The following THSD7B variants were observed in gnomAD, a reference collection of about 807,000 sequenced individuals.
THSD7B encodes thrombospondin type-1 domain-containing protein 7B.
In THSD7B, 138 loss-of-function variants were observed where a neutral mutation model predicts 213.6. That is an observed-to-expected ratio of 0.65 (90% confidence interval 0.56 to 0.74). The LOEUF is 0.74. THSD7B is among the 30% of genes least tolerant of loss of function. The probability of loss-of-function intolerance (pLI) is 0.00; values close to 1 mark genes in which losing one functional copy is unlikely to be tolerated. For synonymous variants in THSD7B, 742 were observed against 687.0 expected, an observed-to-expected ratio of 1.08 and a Z score of -1.25; for missense variants, 1,931 against 1,991.5, an observed-to-expected ratio of 0.97 and a Z score of 0.58.
At chr2:137,261,727 G>A (rs1682456482) in intron 10 of THSD7B, among the ~76,000 whole-genome samples, 1 of 151,990 alleles carries the variant, frequency 6.6e-6, no homozygotes, top group Non-Finnish European at 1.5e-5. Context: ...AAAATAAAAA[G>A]CCTAATTTTA....
intron 1 of THSD7B, among the ~76,000 whole-genome samples, chr2:136,766,842 C>T (rs1159972014): frequency 6.6e-6 from 1 of 152,168 alleles, no homozygotes; most frequent in African/African-American, 2.4e-5. Context: ...GTTTCCCACC[C>T]TCAGACTCCT....
chr2:137,563,249 A>G lies in THSD7B; in HGVS notation c.3167A>G (p.Glu1056Gly), dbSNP rs757748999. The change falls in exon 16 of 28, where the codon GAG becomes GGG. Residue 1056 changes from glutamate (E) to glycine (G), a missense_variant. Physicochemically the swap from Glu to Gly is moderately conservative, Grantham distance 98. Coordinates refer to ENST00000409968, the MANE Select transcript of THSD7B (RefSeq NM_001316349.2). ...QVHEAVPCYS[E>G]CNQYSWVVEH... ...CATGAGGCAGTCCCATGTTACAGTG[A>G]GTGCAATCAGTATTCCTGGGTTGTA... 9.9e-6 allele frequency: 16 copies of G among 1,613,300 alleles called. No individual in the cohort carries two copies. Among genetic ancestry groups the G allele is most frequent in the African/African-American group, 1.3e-5 (1 of 74,880 alleles).
At chr2:136,844,762 T>C (rs1420539954) in intron 1 of THSD7B, among the ~76,000 whole-genome samples, 6 of 152,174 alleles carry the variant, frequency 3.9e-5, no homozygotes, top group Non-Finnish European at 8.8e-5. Context: ...TACAGAGAGC[T>C]TGCTTGCCTG....
At chr2:136,963,078 G>T (rs755064499) in intron 2 of THSD7B, among the ~76,000 whole-genome samples, 25 of 152,080 alleles carry the variant, frequency 1.6e-4, no homozygotes, top group Non-Finnish European at 3.4e-4. Flanking sequence ...ATTGATTTTT[G>T]TGTGGTTAAA....
At chr2:137,620,310 C>T (rs1228139345) in intron 19 of THSD7B, among the ~76,000 whole-genome samples, 1 of 152,164 alleles carries the variant, frequency 6.6e-6, no homozygotes, top group African/African-American at 2.4e-5. Flanking sequence ...TTTCTGGTTC[C>T]TTGCTGATTG....
At chr2:137,654,441 G>C (rs545428168) in intron 21 of THSD7B, among the ~76,000 whole-genome samples, 2 of 152,290 alleles carry the variant, frequency 1.3e-5, no homozygotes, top group Admixed American at 1.3e-4. Context: ...TCTTTCTTCA[G>C]GCACTTCCCA....
chr2:136,961,458 G>A (rs1343842008), intron 2 of THSD7B, among the ~76,000 whole-genome samples: 1 of 151,976 alleles, frequency 6.6e-6, no homozygotes, highest in Non-Finnish European at 1.5e-5. Flanking sequence ...CTGACCTTGT[G>A]ATCTGCCTGC....
chr2:137,226,285 T>C (rs1041751177), intron 7 of THSD7B, among the ~76,000 whole-genome samples: 2 of 151,970 alleles, frequency 1.3e-5, no homozygotes, highest in South Asian at 2.1e-4. Flanking sequence ...GTTTGTATCA[T>C]AGCAAAATGT....
chr2:137,537,696 GA>G (rs1680532621), intron 15 of THSD7B, among the ~76,000 whole-genome samples: 1 of 151,648 alleles, frequency 6.6e-6, no homozygotes, highest in Non-Finnish European at 1.5e-5. Flanking sequence ...ATTTCAAATT[GA>G]AAATGGATTT....
At chr2:137,079,184 A>G (rs977330419) in intron 3 of THSD7B, among the ~76,000 whole-genome samples, 14 of 152,166 alleles carry the variant, frequency 9.2e-5, no homozygotes, top group African/African-American at 2.9e-4. Flanking sequence ...CAAATTTTCT[A>G]TGTACATTTG....
At chr2:137,170,561 C>G (rs1680225477) in intron 6 of THSD7B, among the ~76,000 whole-genome samples, 180 bp from the exon 7 acceptor site, 1 of 152,044 alleles carries the variant, frequency 6.6e-6, no homozygotes, top group South Asian at 2.1e-4. Context: ...TATTCTTTCC[C>G]ATTCTCTTTT....
intron 14 of THSD7B, among the ~76,000 whole-genome samples, chr2:137,430,320 C>T (rs186403047): frequency 7.9e-5 from 12 of 152,222 alleles, no homozygotes; most frequent in African/African-American, 2.9e-4. Flanking sequence ...CTTATGCTTA[C>T]AGGATATAAG....
chr2:137,492,727 C>T (rs187824440), intron 15 of THSD7B, among the ~76,000 whole-genome samples: 3 of 152,062 alleles, frequency 2.0e-5, no homozygotes, highest in Admixed American at 2.0e-4. Flanking sequence ...TCTAAAGCAC[C>T]ACACATAGTA....
At chr2:137,563,704 G>T (rs376881938) in intron 16 of THSD7B, among the ~76,000 whole-genome samples, 38 of 152,172 alleles carry the variant, frequency 2.5e-4, no homozygotes, top group African/African-American at 8.4e-4. Flanking sequence ...TTGCATTATG[G>T]TTAGTATAGT....
At chr2:137,392,409 T>C (rs1358638181) in intron 12 of THSD7B, among the ~76,000 whole-genome samples, 1 of 152,192 alleles carries the variant, frequency 6.6e-6, no homozygotes, top group African/African-American at 2.4e-5. Context: ...GTAATATTTA[T>C]TTTATGAATC....
chr2:137,640,583 GT>G (rs1469400779), intron 20 of THSD7B, among the ~76,000 whole-genome samples: 2 of 151,990 alleles, frequency 1.3e-5, no homozygotes, highest in Non-Finnish European at 2.9e-5. Context: ...TTGTTTGTTT[GT>G]TTTTTTAAAC....
At chr2:137,230,950 T>G in intron 7 of THSD7B, 94 bp from the exon 8 acceptor site, 2 of 1,202,364 alleles carry the variant, frequency 1.7e-6, no homozygotes, top group Non-Finnish European at 2.3e-6. Context: ...GAAACTATCA[T>G]TTTTGGGGGG....
chr2:137,021,992 G>T (rs919095466), intron 2 of THSD7B, among the ~76,000 whole-genome samples: 9 of 152,100 alleles, frequency 5.9e-5, no homozygotes, highest in African/African-American at 2.2e-4. Context: ...GAATTGTTAA[G>T]ATTTCTCCAT....
At chr2:137,093,279 C>G (rs1313812427) in intron 3 of THSD7B, among the ~76,000 whole-genome samples, 2 of 152,196 alleles carry the variant, frequency 1.3e-5, no homozygotes, top group Admixed American at 6.5e-5. Flanking sequence ...CCTCCTCGCA[C>G]TTTATGCTTC....
Sources: allele counts gnomAD v4.1 joint callset (sites outside exome capture counted in the v4.1 genomes callset), GRCh38; gene constraint gnomAD v4.1.1; transcripts MANE v1.5; gene names NCBI Gene and HGNC (gene_info 2026-07-23, HGNC 2026-07-21).